Variants in WDR53 observed in about 807,000 individuals in gnomAD.
WDR53 encodes the protein WD repeat-containing protein 53.
Under a neutral mutation model 21.3 loss-of-function variants are expected in WDR53, and 19 were observed. The observed-to-expected ratio is 0.89, with a 90% CI of 0.62 to 1.31. WDR53 has a LOEUF of 1.31. Among genes scored for constraint, WDR53 ranks in the 50% most tolerant of loss-of-function variants. The probability of loss-of-function intolerance (pLI) is 0.00; values close to 1 mark genes in which losing one functional copy is unlikely to be tolerated. For missense variants in WDR53, 374 were observed against 423.2 expected (o/e 0.88, Z 1.02); for synonymous variants, 157 against 163.4 (o/e 0.96, Z 0.30).
chr3:196,567,233 G>C lies in WDR53; in HGVS notation c.-373C>G, dbSNP rs9842616. 1.3e-5 allele frequency: 6 copies of C among 456,894 alleles called. No individual in the cohort carries two copies. Among genetic ancestry groups the C allele is most frequent in the Non-Finnish European group, 2.2e-5 (5 of 227,020 alleles). 28.3% of individuals were successfully genotyped at this position (456,894 alleles called of 1,614,324 possible). On this transcript the variant is annotated 5_prime_UTR_variant, in exon 2 of 4. Transcript: ENST00000332629. ...CAGGTCAACTTTTCTCTACAGGCTT[G>C]GGGTTTCTGAAGTTGGACTTGATGT... is the stretch of plus-strand genomic sequence containing the variant.
chr3:196,556,722 T>C (rs1390600193), intron 3 of WDR53, among the ~76,000 whole-genome samples: 2 of 151,748 alleles, frequency 1.3e-5, no homozygotes, highest in Non-Finnish European at 2.9e-5. Flanking sequence ...ATCTGCTAGC[T>C]TCACTGTATT....
chr3:196,557,952 T>C (rs1734487156), intron 3 of WDR53, among the ~76,000 whole-genome samples: 1 of 151,816 alleles, frequency 6.6e-6, no homozygotes, highest in South Asian at 2.1e-4. Flanking sequence ...ACTTTTTGTA[T>C]CTTTTGTAGA....
chr3:196,566,045 T>C (rs1354280361), intron 2 of WDR53, among the ~76,000 whole-genome samples: 2 of 152,158 alleles, frequency 1.3e-5, no homozygotes, highest in African/African-American at 4.8e-5. Flanking sequence ...TTCCTTCTAA[T>C]ACCTAAAGAA....
intron 3 of WDR53, among the ~76,000 whole-genome samples, chr3:196,558,267 G>A (rs554675751): frequency 3.3e-5 from 5 of 152,138 alleles, no homozygotes; most frequent in African/African-American, 9.6e-5. Context: ...GTGCAGTGGC[G>A]AGATCATGGC....
chr3:196,562,468 G>C (rs1410837006), intron 2 of WDR53, among the ~76,000 whole-genome samples: 1 of 151,834 alleles, frequency 6.6e-6, no homozygotes, highest in Middle Eastern at 3.2e-3. Flanking sequence ...CACCATGTTG[G>C]CCAGGCTGGT....
In WDR53 at chr3:196,567,049, G is replaced by T; in HGVS notation, c.-189C>A. ...AAACTGAGTGATCTCTAAACACTCT[G>T]CACTAGTCATACCACCACCGTCCCG... is the stretch of plus-strand genomic sequence containing the variant. On this transcript the variant is annotated 5_prime_UTR_variant, in exon 2 of 4. Coordinates refer to ENST00000332629, the MANE Select transcript of WDR53 (RefSeq NM_182627.3). 2.4e-6 allele frequency: 1 copy of T among 420,604 alleles called. No individual in the cohort carries two copies. The highest frequency in any genetic ancestry group is 1.7e-5 in the South Asian group (1 of 57,860). The allele number at this position is 420,604 out of a possible 1,614,324, so 26.1% of individuals were successfully genotyped here.
intron 1 of WDR53, among the ~76,000 whole-genome samples, chr3:196,567,948 C>T (rs1053348115): frequency 2.0e-5 from 3 of 152,136 alleles, no homozygotes; most frequent in Non-Finnish European, 2.9e-5. Flanking sequence ...GACACTGCCT[C>T]GCAATGTTGC....
rs772899341 is a variant in WDR53, at chr3:196,554,706, G to A, written c.582C>T (p.Leu194=). 3.7e-6 allele frequency: 6 copies of A among 1,614,196 alleles called. No individual in the cohort carries two copies. The East Asian group carries it at 1.3e-4, about 36-fold the overall frequency. The change falls in exon 4 of 4, where the codon CTC becomes CTT. Residue 194 remains leucine, a synonymous_variant. Transcript: ENST00000332629. ...TAGAATGGGCTAGGGCAGGGTTTAA[G>A]AGCTGACCAGGTGACTGTGGGCCTT... The part of the protein sequence containing the change: ...EMEGPQSPGQ[L]LNPALAHSIS...
intron 3 of WDR53, among the ~76,000 whole-genome samples, chr3:196,560,599 C>T (rs1734740719): frequency 6.6e-6 from 1 of 152,210 alleles, no homozygotes; most frequent in Non-Finnish European, 1.5e-5. Context: ...CCAATACACA[C>T]TATTTCAGTT....
Position 196,554,815 on chromosome 3 carries a change from T to C in WDR53, c.481-8A>G. 2 of 1,600,410 alleles carry C rather than the reference T, an allele frequency of 1.2e-6. No individual in the cohort carries two copies. Among genetic ancestry groups the C allele is most frequent in the South Asian group, 1.1e-5 (1 of 90,558 alleles). On this transcript the variant is annotated splice_region_variant and splice_polypyrimidine_tract_variant and intron_variant, in intron 3 of 3. Transcript: ENST00000332629. ...AAGACTCCACAGCATCACCTTTACATAAGAAGAAATTACACAGTCATACAA... is the reference window on the plus strand; with the variant it reads ...AAGACTCCACAGCATCACCTTTACACAAGAAGAAATTACACAGTCATACAA...
Position 196,566,903 on chromosome 3 carries a change from GA to G in WDR53, c.-44del. Reference sequence around the variant, plus strand: ...TTGAAATTCTACCTGGGGCGCTCAGGAGACGGTCTGCCGTTGAAAGTCACCT... The same window carrying G: ...TTGAAATTCTACCTGGGGCGCTCAGGGACGGTCTGCCGTTGAAAGTCACCT... On this transcript the variant is annotated 5_prime_UTR_variant, in exon 2 of 4. Transcript: ENST00000332629. The G allele has an allele frequency of 4.6e-6, 1 of 217,356 alleles. No homozygotes were observed. Among genetic ancestry groups the G allele is most frequent in the Non-Finnish European group, 9.5e-6 (1 of 105,496 alleles). 13.5% of individuals were successfully genotyped at this position (217,356 alleles called of 1,614,324 possible).
intron 3 of WDR53, among the ~76,000 whole-genome samples, chr3:196,556,999 A>C (rs1229432452): frequency 2.0e-5 from 3 of 152,218 alleles, no homozygotes; most frequent in Admixed American, 2.0e-4. Flanking sequence ...TAAAGACTCC[A>C]AGGTGTTTCA....
chr3:196,562,012 C>T (rs542143836), intron 2 of WDR53, among the ~76,000 whole-genome samples: 2 of 152,276 alleles, frequency 1.3e-5, no homozygotes, highest in East Asian at 3.9e-4. Flanking sequence ...ATATGTAAAT[C>T]ACACATAATA....
At chr3:196,555,291 G>A (rs1406468078) in intron 3 of WDR53, among the ~76,000 whole-genome samples, 3 of 152,172 alleles carry the variant, frequency 2.0e-5, no homozygotes, top group African/African-American at 7.2e-5. Flanking sequence ...CTTAAGCTCA[G>A]TCCTGGTGCC....
chr3:196,564,455 G>A (rs189288277), intron 2 of WDR53, among the ~76,000 whole-genome samples: 54 of 143,086 alleles, frequency 3.8e-4, no homozygotes, highest in African/African-American at 1.3e-3. Context: ...ACCTCCCCAG[G>A]CTCAAGTGAT....
chr3:196,564,565 ATTCCCC>A (rs1735202387), intron 2 of WDR53, among the ~76,000 whole-genome samples: 1 of 151,090 alleles, frequency 6.6e-6, no homozygotes, highest in Non-Finnish European at 1.5e-5. Context: ...GTTTCCCCAC[ATTCCCC>A]AGGCTGTTCT....
rs1314932233 is a variant in WDR53 at position 196,561,788 on chromosome 3, A to G, written c.-16-297T>C. Among the ~76,000 whole-genome samples the G allele has an allele frequency of 3.9e-5, 6 of 152,096 alleles. No individual in the cohort carries two copies. In the East Asian group the frequency reaches 1.2e-3, roughly 29 times the overall value. ...GAACCCACAGAAGAATAAACACTAC[A>G]TATTTTAAATTAAGAAAAATTATTT... On this transcript the variant is annotated intron_variant, in intron 2 of 3. Transcript: ENST00000332629.
chr3:196,568,210 G>A (rs982978146), intron 1 of WDR53, among the ~76,000 whole-genome samples: 1 of 152,172 alleles, frequency 6.6e-6, no homozygotes, highest in East Asian at 1.9e-4. Context: ...AAGGCACACA[G>A]GGACAGACGT....
At chr3:196,557,758 G>C in intron 3 of WDR53, among the ~76,000 whole-genome samples, 1 of 151,234 alleles carries the variant, frequency 6.6e-6, no homozygotes, top group East Asian at 1.9e-4. Flanking sequence ...TAGGTATACA[G>C]GTATTTATTT....
Sources: gnomAD v4.1 joint callset for allele counts (sites outside exome capture counted in the v4.1 genomes callset) on GRCh38, gnomAD v4.1.1 for gene constraint, MANE v1.5 for transcripts, NCBI Gene and HGNC (gene_info 2026-07-23, HGNC 2026-07-21) for gene names.